The following KCNIP4 variants were observed in gnomAD, a reference collection of about 807,000 sequenced individuals.
KCNIP4 encodes the protein potassium voltage-gated channel interacting protein 4, also known as Kv channel-interacting protein 4.
KCNIP4 carries 12 observed loss-of-function variants against 34.0 expected under a neutral mutation model. The observed-to-expected ratio is 0.35, with a 90% CI of 0.23 to 0.57. The LOEUF is 0.57. Among genes scored for constraint, KCNIP4 ranks in the 20% least tolerant of loss-of-function variants. The probability of loss-of-function intolerance (pLI) is 0.83; values close to 1 mark genes in which losing one functional copy is unlikely to be tolerated. For synonymous variants in KCNIP4, 124 were observed against 102.2 expected (o/e 1.21, Z -1.29); for missense variants, 238 against 311.7 (o/e 0.76, Z 1.78).
rs548492616 is a variant in KCNIP4 at position 21,484,809 on chromosome 4, G to A, written c.61+463762C>T. ...TTCTTTCCACAAACTACTCTCACAGGAACTTTAACATTTTGTCTTGCTTAT... is the reference window on the plus strand; with the variant it reads ...TTCTTTCCACAAACTACTCTCACAGAAACTTTAACATTTTGTCTTGCTTAT... On this transcript the variant is annotated intron_variant, in intron 1 of 8. Coordinates refer to ENST00000382152, the MANE Select transcript of KCNIP4 (RefSeq NM_025221.6). 7.9e-5 allele frequency among the ~76,000 whole-genome samples: 12 copies of A among 152,146 alleles called. No individual in the cohort carries two copies. In the East Asian group the frequency reaches 2.3e-3, roughly 29 times the overall value.
rs1168451300 is a variant in KCNIP4 at position 21,670,963 on chromosome 4, CT to C, written c.61+277607del. ...GAGCCACCGCGCCGGGCTGAGTAAA[CT>C]TTTTTTTTTTTTTAAATTAATAACT... is the stretch of plus-strand genomic sequence containing the variant. On this transcript the variant is annotated intron_variant, in intron 1 of 8. Coordinates refer to ENST00000382152, the MANE Select transcript of KCNIP4 (RefSeq NM_025221.6). Among the ~76,000 whole-genome samples, 463 of 139,328 alleles carry C rather than the reference CT, an allele frequency of 3.3e-3. 1 individual carries two copies. The highest frequency in any genetic ancestry group is 0.024 in the East Asian group (120 of 4,924). The allele number at this position is 139,328 out of a possible 152,430, so 91.4% of individuals were successfully genotyped here.
chr4:21,862,331 T>C (rs1725124331), intron 1 of KCNIP4, among the ~76,000 whole-genome samples: 1 of 152,220 alleles, frequency 6.6e-6, no homozygotes, highest in African/African-American at 2.4e-5. Context: ...TTGTTATTTA[T>C]TTCCTCGTGC....
chr4:20,902,701 G>A (rs1266127359), intron 1 of KCNIP4, among the ~76,000 whole-genome samples: 1 of 151,992 alleles, frequency 6.6e-6, no homozygotes, highest in Non-Finnish European at 1.5e-5. Flanking sequence ...TGTATTTTTA[G>A]TAGAGACGGG....
chr4:21,890,839 A>T (rs1727049976), intron 1 of KCNIP4, among the ~76,000 whole-genome samples: 1 of 152,176 alleles, frequency 6.6e-6, no homozygotes, highest in African/African-American at 2.4e-5. Flanking sequence ...ATGTCCAAGA[A>T]GCTGAAGAAG....
At chr4:20,811,881 G>A (rs1156585679) in intron 3 of KCNIP4, among the ~76,000 whole-genome samples, 1 of 152,174 alleles carries the variant, frequency 6.6e-6, no homozygotes, top group Non-Finnish European at 1.5e-5. Flanking sequence ...AGTCAGAGAA[G>A]TGGCTTGGAT....
At chr4:21,297,163 C>T (rs982852241) in intron 1 of KCNIP4, among the ~76,000 whole-genome samples, 13 of 151,034 alleles carry the variant, frequency 8.6e-5, no homozygotes, top group African/African-American at 3.2e-4. Context: ...AATGTGGTAA[C>T]AAATACCCAC....
chr4:21,667,272 T>C (rs192641417), intron 1 of KCNIP4, among the ~76,000 whole-genome samples: 4 of 152,340 alleles, frequency 2.6e-5, no homozygotes, highest in Non-Finnish European at 5.9e-5. Flanking sequence ...CCCATTTGTC[T>C]ATGGAGATAG....
intron 1 of KCNIP4, among the ~76,000 whole-genome samples, chr4:21,641,416 G>A (rs754100332): frequency 3.2e-4 from 49 of 152,196 alleles, no homozygotes; most frequent in Admixed American, 3.9e-4. Context: ...ATCCTCTCAG[G>A]CAGCAGAACC....
At chr4:21,221,964 T>C (rs906975236) in intron 1 of KCNIP4, among the ~76,000 whole-genome samples, 3 of 152,190 alleles carry the variant, frequency 2.0e-5, no homozygotes, top group Non-Finnish European at 4.4e-5. Context: ...CATGGTAACA[T>C]TCAGTGGAAA....
chr4:20,835,154 G>T (rs1311874748), intron 3 of KCNIP4, among the ~76,000 whole-genome samples: 1 of 152,002 alleles, frequency 6.6e-6, no homozygotes, highest in African/African-American at 2.4e-5. Context: ...CCTGTTTTTT[G>T]AAGGACTATT....
intron 1 of KCNIP4, among the ~76,000 whole-genome samples, chr4:21,490,902 C>T (rs760745058): frequency 5.9e-5 from 9 of 151,958 alleles, no homozygotes; most frequent in Non-Finnish European, 1.3e-4. Flanking sequence ...TAAGGAATGT[C>T]CTCTTTGAGG....
chr4:21,387,679 A>T (rs1010917034), intron 1 of KCNIP4, among the ~76,000 whole-genome samples: 3 of 152,138 alleles, frequency 2.0e-5, no homozygotes, highest in Non-Finnish European at 4.4e-5. Context: ...TGGGACTATA[A>T]GGTTTTGTGG....
chr4:21,169,243 C>T (rs988824742), intron 1 of KCNIP4, among the ~76,000 whole-genome samples: 1 of 152,066 alleles, frequency 6.6e-6, no homozygotes, highest in African/African-American at 2.4e-5. Context: ...GCCTTGACCT[C>T]CTGGGCTCAA....
rs550960620 is a variant in KCNIP4, at chr4:20,900,787, A to C, written c.62-18078T>G. On this transcript the variant is annotated intron_variant, in intron 1 of 8. Transcript: ENST00000382152. ...TTGGTTGAAGAAAACAGTGTTGTTA[A>C]AACACTCACAGATCATAAAAAGAAA... 1.9e-3 allele frequency among the ~76,000 whole-genome samples: 291 copies of C among 152,242 alleles called. 1 individual carries two copies. Among genetic ancestry groups the C allele is most frequent in the African/African-American group, 6.8e-3 (281 of 41,542 alleles).
At chr4:21,538,625 C>A (rs17547551) in intron 1 of KCNIP4, among the ~76,000 whole-genome samples, 32,614 of 151,970 alleles carry the variant, frequency 0.21, 3,871 homozygotes, top group Middle Eastern at 0.3. Flanking sequence ...ATATTTTATG[C>A]CCCATGCTTG....
At chr4:21,565,166 G>C (rs1329545103) in intron 1 of KCNIP4, among the ~76,000 whole-genome samples, 1 of 152,140 alleles carries the variant, frequency 6.6e-6, no homozygotes, top group East Asian at 1.9e-4. Flanking sequence ...AGCAGACATT[G>C]GTTTCTCACA....
chr4:21,476,632 C>A (rs903201077), intron 1 of KCNIP4, among the ~76,000 whole-genome samples: 2 of 152,142 alleles, frequency 1.3e-5, no homozygotes, highest in Non-Finnish European at 2.9e-5. Context: ...TTCTTTACGG[C>A]AACCCAATAA....
chr4:21,460,966 C>T (rs1197005796), intron 1 of KCNIP4, among the ~76,000 whole-genome samples: 2 of 151,994 alleles, frequency 1.3e-5, no homozygotes, highest in South Asian at 2.1e-4. Flanking sequence ...AATACAGAAA[C>T]GGAGAGTCAA....
At chr4:21,057,887 T>C (rs546385442) in intron 1 of KCNIP4, among the ~76,000 whole-genome samples, 1 of 152,310 alleles carries the variant, frequency 6.6e-6, no homozygotes, top group South Asian at 2.1e-4. Context: ...TATCTTTATC[T>C]CATTCAACAG....
Sources: allele counts gnomAD v4.1 joint callset (sites outside exome capture counted in the v4.1 genomes callset), GRCh38; gene constraint gnomAD v4.1.1; transcripts MANE v1.5; gene names NCBI Gene and HGNC (gene_info 2026-07-23, HGNC 2026-07-21).